Variants in FBXL20 observed in about 807,000 individuals in gnomAD.
FBXL20 encodes the protein F-box and leucine rich repeat protein 20.
A neutral mutation model predicts 64.0 loss-of-function variants in FBXL20; 11 were observed. The ratio of observed to expected loss-of-function variants is 0.17; its 90% CI spans 0.11 to 0.28. The LOEUF (loss-of-function observed/expected upper bound fraction) is 0.28, where lower values mean the gene tolerates loss of function less well. FBXL20 is among the 10% of genes least tolerant of loss of function. FBXL20 has a pLI of 1.00. For missense variants in FBXL20, 303 were observed against 526.2 expected, an observed-to-expected ratio of 0.58 and a Z score of 4.15; for synonymous variants, 184 against 189.0, an observed-to-expected ratio of 0.97 and a Z score of 0.22.
chr17:39,359,980 CATT>C (rs2047778537), intron 1 of FBXL20, among the ~76,000 whole-genome samples: 1 of 151,926 alleles, frequency 6.6e-6, no homozygotes, highest in Admixed American at 6.6e-5. Context: ...TCAGATAAAA[CATT>C]AAAGTATTAA....
At chr17:39,284,152 CAA>C in intron 7 of FBXL20, among the ~76,000 whole-genome samples, 1 of 152,172 alleles carries the variant, frequency 6.6e-6, no homozygotes, top group African/African-American at 2.4e-5. Context: ...ACCTGGCAGT[CAA>C]CAGCTTTCTA....
At chr17:39,268,738 C>T (rs893288900) in intron 12 of FBXL20, 89 bp downstream of exon 12, 8 of 1,149,278 alleles carry the variant, frequency 7.0e-6, no homozygotes, top group Non-Finnish European at 9.0e-6. Context: ...CAGTATCCTA[C>T]ACTAGGGTAG....
At chr17:39,292,721 A>C (rs964071184) in intron 6 of FBXL20, among the ~76,000 whole-genome samples, 1 of 150,974 alleles carries the variant, frequency 6.6e-6, no homozygotes, top group Non-Finnish European at 1.5e-5. Context: ...TTCCGGGTCT[A>C]TATTTCTATT....
At chr17:39,263,615 C>CT (rs2046766848) in intron 14 of FBXL20, among the ~76,000 whole-genome samples, 1 of 152,118 alleles carries the variant, frequency 6.6e-6, no homozygotes, top group Non-Finnish European at 1.5e-5. Flanking sequence ...GATCTTAAGC[C>CT]TAGGAGTTCG....
intron 1 of FBXL20, among the ~76,000 whole-genome samples, chr17:39,348,941 T>C (rs907825881): frequency 6.6e-6 from 1 of 152,056 alleles, no homozygotes; most frequent in Non-Finnish European, 1.5e-5. Flanking sequence ...CAGATCCTCC[T>C]GCCTCAGCCT....
intron 1 of FBXL20, among the ~76,000 whole-genome samples, chr17:39,355,684 G>A (rs538720141): frequency 3.3e-5 from 5 of 150,522 alleles, no homozygotes; most frequent in South Asian, 2.1e-4. Context: ...GTGAAACCCC[G>A]TCTCTACTAA....
rs537675421 is a variant in FBXL20, at chr17:39,322,853, G to A, written c.105-19214C>T. On this transcript the variant is annotated intron_variant, in intron 2 of 14. Coordinates refer to ENST00000264658, the MANE Select transcript of FBXL20 (RefSeq NM_032875.3). ...AGAGTCTCGCTCTGTCATCCAGGCTGGAGTGCAGTGGTGCAATCTCGGCTC... is the reference window on the plus strand; with the variant it reads ...AGAGTCTCGCTCTGTCATCCAGGCTAGAGTGCAGTGGTGCAATCTCGGCTC... Among the ~76,000 whole-genome samples the A allele has an allele frequency of 5.9e-5, 9 of 152,158 alleles. No homozygotes were observed. The South Asian group carries it at 1.9e-3, about 32-fold the overall frequency.
chr17:39,253,871 T>C lies in FBXL20; in HGVS notation c.*7589A>G, dbSNP rs1339001585. ...AATCAAATCATGCCAGTTAGAGACTTTTTCAAGTTAAGATTTTCTAAGACC... is the reference window on the plus strand; with the variant it reads ...AATCAAATCATGCCAGTTAGAGACTCTTTCAAGTTAAGATTTTCTAAGACC... On this transcript the variant is annotated 3_prime_UTR_variant, in exon 15 of 15. Transcript: ENST00000264658. The C allele has an allele frequency of 6.6e-6, 1 of 152,160 alleles. No individual in the cohort carries two copies. Among genetic ancestry groups the C allele is most frequent in the East Asian group, 1.9e-4 (1 of 5,252 alleles). 9.4% of individuals were successfully genotyped at this position (152,160 alleles called of 1,614,324 possible).
intron 1 of FBXL20, among the ~76,000 whole-genome samples, chr17:39,351,209 A>C (rs1247230045): frequency 6.6e-6 from 1 of 151,680 alleles, no homozygotes; most frequent in Non-Finnish European, 1.5e-5. Context: ...GGTGGTGTGC[A>C]CCTGTAATCC....
intron 9 of FBXL20, among the ~76,000 whole-genome samples, chr17:39,276,033 G>C (rs1457179343): frequency 6.6e-6 from 1 of 151,532 alleles, no homozygotes; most frequent in Non-Finnish European, 1.5e-5. Flanking sequence ...GATCACCTGA[G>C]GTCGGGAGTT....
chr17:39,380,222 A>G (rs2048008908), intron 1 of FBXL20, among the ~76,000 whole-genome samples: 1 of 152,194 alleles, frequency 6.6e-6, no homozygotes, highest in South Asian at 2.1e-4. Context: ...CACAATTCAA[A>G]AACAAATCTA....
intron 1 of FBXL20, 102 bp downstream of exon 1, chr17:39,401,259 G>A: frequency 1.3e-6 from 2 of 1,591,698 alleles, no homozygotes; most frequent in Non-Finnish European, 8.5e-7. Flanking sequence ...GTGGGTGGGT[G>A]ACGGCGCCTG....
intron 9 of FBXL20, among the ~76,000 whole-genome samples, chr17:39,276,879 G>C (rs59585619): frequency 0.1 from 15,633 of 152,162 alleles, 860 homozygotes; most frequent in African/African-American, 0.15. Context: ...TTTAGCCCAG[G>C]AGTTCAAGGT....
At chr17:39,301,210 C>A in intron 3 of FBXL20, 135 bp from the exon 4 acceptor site, 1 of 688,100 alleles carries the variant, frequency 1.5e-6, no homozygotes. Flanking sequence ...TCCACTTACT[C>A]CCAAATGATG....
At chr17:39,284,532 C>T (rs2144395597) in intron 7 of FBXL20, among the ~76,000 whole-genome samples, 1 of 152,230 alleles carries the variant, frequency 6.6e-6, no homozygotes. Flanking sequence ...AGGGGTATGC[C>T]ACCACGCCTG....
At chr17:39,351,009 T>C (rs1409836725) in intron 1 of FBXL20, among the ~76,000 whole-genome samples, 1 of 152,036 alleles carries the variant, frequency 6.6e-6, no homozygotes, top group Non-Finnish European at 1.5e-5. Flanking sequence ...CAGAATATTA[T>C]CACTTGAAGT....
Position 39,255,091 on chromosome 17 carries a change from C to A in FBXL20, c.*6369G>T, listed in dbSNP as rs1238055242. 2 of 152,156 alleles carry A rather than the reference C, an allele frequency of 1.3e-5. No individual in the cohort carries two copies. The highest frequency in any genetic ancestry group is 3.9e-4 in the East Asian group (2 of 5,178). The allele number at this position is 152,156 out of a possible 1,614,324, so 9.4% of individuals were successfully genotyped here. On this transcript the variant is annotated 3_prime_UTR_variant, in exon 15 of 15. Transcript: ENST00000264658. Reference sequence around the variant, plus strand: ...CTTCACCTAAGAGGTTATGTACTGACCTTCCTAACGATCAAAGGCTTCAGA... The same window carrying A: ...CTTCACCTAAGAGGTTATGTACTGAACTTCCTAACGATCAAAGGCTTCAGA...
intron 1 of FBXL20, among the ~76,000 whole-genome samples, chr17:39,382,572 C>T (rs1187666023): frequency 6.6e-6 from 1 of 152,078 alleles, no homozygotes; most frequent in Admixed American, 6.6e-5. Context: ...GTGGCTCATA[C>T]CTGTAATGCT....
intron 1 of FBXL20, among the ~76,000 whole-genome samples, chr17:39,398,155 G>A (rs1473879742): frequency 3.3e-5 from 5 of 151,562 alleles, no homozygotes; most frequent in East Asian, 3.9e-4. Flanking sequence ...GGTGGCAGGC[G>A]CCTGTAATCC....
Sources: allele counts gnomAD v4.1 joint callset (sites outside exome capture counted in the v4.1 genomes callset), GRCh38; gene constraint gnomAD v4.1.1; transcripts MANE v1.5; gene names NCBI Gene and HGNC (gene_info 2026-07-23, HGNC 2026-07-21).